The following FAM135B variants were observed in gnomAD, a reference collection of about 807,000 sequenced individuals.
FAM135B encodes family with sequence similarity 135 member B.
A neutral mutation model predicts 127.7 loss-of-function variants in FAM135B; 43 were observed. That is an observed-to-expected ratio of 0.34 (90% CI 0.26 to 0.43). The LOEUF is 0.43. Among genes scored for constraint, FAM135B ranks in the 20% least tolerant of loss-of-function variants. The pLI, the probability that FAM135B is intolerant of heterozygous loss-of-function variation, is 1.00. For synonymous variants in FAM135B, 670 were observed against 665.1 expected, an observed-to-expected ratio of 1.01 and a Z score of -0.11; for missense variants, 1,558 against 1,725.6, an observed-to-expected ratio of 0.90 and a Z score of 1.72.
chr8:138,382,744 A>G (rs753479707), intron 1 of FAM135B, among the ~76,000 whole-genome samples: 5 of 152,200 alleles, frequency 3.3e-5, no homozygotes, highest in Non-Finnish European at 5.9e-5. Flanking sequence ...TGTGATGGCA[A>G]TAGACACTCA....
At chr8:138,155,933 G>T (rs939550642) in intron 12 of FAM135B, among the ~76,000 whole-genome samples, 1 of 152,146 alleles carries the variant, frequency 6.6e-6, no homozygotes, top group East Asian at 1.9e-4. Flanking sequence ...ACTCGGCTCT[G>T]CACCAAGCAG....
rs546212913 is a variant in FAM135B at position 138,365,214 on chromosome 8, C to T, written c.77+2693G>A. Among the ~76,000 whole-genome samples, 5 of 152,222 alleles carry T rather than the reference C, an allele frequency of 3.3e-5. No homozygotes were observed. In the East Asian group the frequency reaches 9.7e-4, roughly 29 times the overall value. ...TTCCAAGTTCTGGTTTTAGTTTATCCTAATTCAATATGAGACTTTAGTGGT... is the reference window on the plus strand; with the variant it reads ...TTCCAAGTTCTGGTTTTAGTTTATCTTAATTCAATATGAGACTTTAGTGGT... On this transcript the variant is annotated intron_variant, in intron 2 of 19. Coordinates refer to ENST00000395297, the MANE Select transcript of FAM135B (RefSeq NM_015912.4).
rs541515543 is a variant in FAM135B at position 138,442,965 on chromosome 8, G to A, written c.-20+53706C>T. The stretch of plus-strand genomic sequence containing the variant: ...CCTGCACCTCCTCGTCCCTGTGTGC[G>A]AGGATGGCTTGTCTTTAATAAGTCA... On this transcript the variant is annotated intron_variant, in intron 1 of 19. Transcript: ENST00000395297. Among the ~76,000 whole-genome samples the A allele has an allele frequency of 2.2e-4, 34 of 152,298 alleles. No individual in the cohort carries two copies. In the East Asian group the frequency reaches 5.6e-3, roughly 25 times the overall value.
At chr8:138,218,906 G>A (rs545263538) in intron 7 of FAM135B, among the ~76,000 whole-genome samples, 12 of 152,226 alleles carry the variant, frequency 7.9e-5, no homozygotes, top group African/African-American at 2.6e-4. Flanking sequence ...AAAATACTCC[G>A]CAAGAAAATG....
At chr8:138,306,070 T>A (rs529310454) in intron 3 of FAM135B, among the ~76,000 whole-genome samples, 22 of 152,116 alleles carry the variant, frequency 1.4e-4, no homozygotes, top group African/African-American at 3.9e-4. Context: ...CTAAGAAAAA[T>A]TTATGTTCTG....
chr8:138,405,965 T>C (rs1329674648), intron 1 of FAM135B, among the ~76,000 whole-genome samples: 1 of 151,916 alleles, frequency 6.6e-6, no homozygotes, highest in African/African-American at 2.4e-5. Flanking sequence ...TGATGGCCAG[T>C]GATGATGAGC....
At chr8:138,277,357 T>A (rs1203029579) in intron 3 of FAM135B, among the ~76,000 whole-genome samples, 1 of 152,168 alleles carries the variant, frequency 6.6e-6, no homozygotes, top group African/African-American at 2.4e-5. Context: ...ACCTCCTTAG[T>A]CCTTGATACC....
intron 1 of FAM135B, among the ~76,000 whole-genome samples, chr8:138,406,531 T>G (rs1785782987): frequency 6.6e-6 from 1 of 151,860 alleles, no homozygotes; most frequent in Non-Finnish European, 1.5e-5. Context: ...GCAAACAGAA[T>G]CCAGCAGCAC....
At chr8:138,381,891 G>A (rs1831879565) in intron 1 of FAM135B, among the ~76,000 whole-genome samples, 1 of 152,082 alleles carries the variant, frequency 6.6e-6, no homozygotes, top group Admixed American at 6.5e-5. Flanking sequence ...TGCAGTAACG[G>A]GTGGTGTCTC....
At chr8:138,359,629 G>A (rs1271008010) in intron 2 of FAM135B, among the ~76,000 whole-genome samples, 1 of 152,148 alleles carries the variant, frequency 6.6e-6, no homozygotes, top group African/African-American at 2.4e-5. Flanking sequence ...TGAATGAAAA[G>A]GATCTCAACA....
intron 3 of FAM135B, among the ~76,000 whole-genome samples, chr8:138,280,228 T>A (rs1824157243): frequency 6.6e-6 from 1 of 152,134 alleles, no homozygotes; most frequent in Non-Finnish European, 1.5e-5. Context: ...AAATTCTACA[T>A]CCACTATCTG....
chr8:138,191,421 A>T (rs537058603), intron 9 of FAM135B, among the ~76,000 whole-genome samples: 1 of 152,354 alleles, frequency 6.6e-6, no homozygotes, highest in African/African-American at 2.4e-5. Flanking sequence ...AGGGTATGAC[A>T]TTAGTGGCTC....
At chr8:138,352,804 A>G (rs1829863407) in intron 2 of FAM135B, among the ~76,000 whole-genome samples, 1 of 152,034 alleles carries the variant, frequency 6.6e-6, no homozygotes, top group African/African-American at 2.4e-5. Context: ...CAGGGAAGAG[A>G]GAAATCAGTA....
At chr8:138,178,015 C>A (rs184605776) in intron 10 of FAM135B, among the ~76,000 whole-genome samples, 65 of 152,172 alleles carry the variant, frequency 4.3e-4, no homozygotes, top group African/African-American at 1.5e-3. Flanking sequence ...GAGGCTGAGG[C>A]GGGCAGATTG....
At chr8:138,168,703 G>T (rs568146925) in intron 11 of FAM135B, among the ~76,000 whole-genome samples, 29 of 152,232 alleles carry the variant, frequency 1.9e-4, no homozygotes, top group Admixed American at 5.2e-4. Context: ...TAATTCGAAG[G>T]CTGGGGTGGT....
intron 1 of FAM135B, among the ~76,000 whole-genome samples, chr8:138,456,120 G>A (rs1836764506): frequency 6.6e-6 from 1 of 152,170 alleles, no homozygotes; most frequent in Admixed American, 6.5e-5. Flanking sequence ...CATATCACTG[G>A]CAGCCCACAG....
chr8:138,154,639 T>C (rs935030721), intron 12 of FAM135B, among the ~76,000 whole-genome samples: 1 of 151,830 alleles, frequency 6.6e-6, no homozygotes, highest in South Asian at 2.1e-4. Flanking sequence ...GAGAACTACA[T>C]GACACATGCA....
intron 1 of FAM135B, among the ~76,000 whole-genome samples, chr8:138,372,703 T>C (rs1471449904): frequency 6.6e-6 from 1 of 152,138 alleles, no homozygotes. Context: ...ACGCGCAGAC[T>C]ATGTTTAGCT....
At chr8:138,436,858 T>A (rs1835483929) in intron 1 of FAM135B, 1 of 152,214 alleles carries the variant, frequency 6.6e-6, no homozygotes, top group African/African-American at 2.4e-5. Flanking sequence ...CACATAGAGC[T>A]GTTGTAGAAT....
Sources: allele counts gnomAD v4.1 joint callset (sites outside exome capture counted in the v4.1 genomes callset), GRCh38; gene constraint gnomAD v4.1.1; transcripts MANE v1.5; gene names NCBI Gene and HGNC (gene_info 2026-07-23, HGNC 2026-07-21).